KLF8: variants seen among roughly 807,000 people sequenced by gnomAD.
KLF8 encodes Krueppel-like factor 8.
In KLF8, 10 loss-of-function variants were observed where a neutral mutation model predicts 18.2. The ratio of observed to expected loss-of-function variants is 0.55; its 90% CI spans 0.34 to 0.93. The LOEUF (loss-of-function observed/expected upper bound fraction) is 0.93. Among genes scored for constraint, KLF8 ranks in the 40% least tolerant of loss-of-function variants. KLF8 has a pLI of 0.02. For synonymous variants in KLF8, 109 were observed against 97.3 expected (o/e 1.12, Z -0.71); for missense variants, 264 against 277.9 (o/e 0.95, Z 0.36).
the KLF8 span, among the ~76,000 whole-genome samples, chrX:56,049,217 G>A: frequency 9.0e-6 from 1 of 111,460 alleles, no homozygotes; most frequent in Non-Finnish European, 1.9e-5. Context: ...TGCAAAAAGG[G>A]ACAATTTGAC....
the KLF8 span, among the ~76,000 whole-genome samples, chrX:56,028,256 C>G: frequency 7.2e-5 from 8 of 110,880 alleles, no homozygotes; most frequent in African/African-American, 2.7e-4. Context: ...ATTCAAAGGG[C>G]TCTCAGTCGC....
chrX:56,275,136 A>G (rs2067104851), intron 5 of KLF8, among the ~76,000 whole-genome samples: 1 of 111,646 alleles, frequency 9.0e-6, no homozygotes, highest in Non-Finnish European at 1.9e-5. Context: ...ATCCATGAAC[A>G]CGGAATATCT....
chrX:56,005,578 C>T, the KLF8 span, among the ~76,000 whole-genome samples: 3 of 112,359 alleles, frequency 2.7e-5, no homozygotes, highest in African/African-American at 9.7e-5. Context: ...GCATCAGCAT[C>T]AGTGGCTGCA....
the KLF8 span, among the ~76,000 whole-genome samples, chrX:56,173,217 GT>G: frequency 8.9e-6 from 1 of 111,752 alleles, no homozygotes; most frequent in Admixed American, 9.6e-5. Context: ...TTCTTGTAGG[GT>G]TTTTATGGTT....
chrX:56,127,480 G>A, the KLF8 span, among the ~76,000 whole-genome samples: 1 of 110,457 alleles, frequency 9.1e-6, no homozygotes, highest in African/African-American at 3.3e-5. Flanking sequence ...AGGCAACATG[G>A]TGAGACCCTG....
At position 56,270,244 on chromosome X, in the gene KLF8, A is replaced by T; in HGVS notation, c.821A>T (p.His274Leu). 1 of 1,209,694 alleles carries T rather than the reference A, an allele frequency of 8.3e-7. No homozygotes were observed. The highest frequency in any genetic ancestry group is 1.1e-6 in the Non-Finnish European group (1 of 894,507). ...ESLDLKRRRI[H>L]QCDFAGCSKV... ...CTTGACTTGAAGAGAAGACGGATTCACCAATGTGACTTTGCAGGATGCAGC... is the reference window on the plus strand; with the variant it reads ...CTTGACTTGAAGAGAAGACGGATTCTCCAATGTGACTTTGCAGGATGCAGC... The change falls in exon 5 of 6, where the codon CAC becomes CTC. Residue 274 changes from histidine to leucine, a missense_variant. Around this residue, in one of 2 missense-constraint regions of KLF8, gnomAD observed 43 missense variants for 84.3 expected, o/e 0.51. Transcript: ENST00000468660.
At chrX:55,918,175 G>C in the KLF8 span, among the ~76,000 whole-genome samples, 27 of 112,061 alleles carry the variant, frequency 2.4e-4, no homozygotes, top group Non-Finnish European at 4.9e-4. Context: ...CATAGCACTA[G>C]ACTCAGCAGT....
At chrX:55,964,641 T>A in the KLF8 span, among the ~76,000 whole-genome samples, 1 of 110,587 alleles carries the variant, frequency 9.0e-6, no homozygotes, top group Non-Finnish European at 1.9e-5. Context: ...AAAGAATAAA[T>A]AAGATTGATA....
At chrX:56,212,695 C>A in the KLF8 span, among the ~76,000 whole-genome samples, 1 of 112,189 alleles carries the variant, frequency 8.9e-6, no homozygotes, top group African/African-American at 3.2e-5. Context: ...ACTGGCAACT[C>A]AGGGCTGTTT....
chrX:56,160,956 C>G, the KLF8 span, among the ~76,000 whole-genome samples: 1 of 111,007 alleles, frequency 9.0e-6, no homozygotes, highest in Non-Finnish European at 1.9e-5. Context: ...TTATTTTGCT[C>G]GTTAGTTGAT....
At position 56,248,851 on chromosome X, in the gene KLF8, A is replaced by T. The variant is rs539379174; in HGVS notation, c.8-1380A>T. 2.5e-3 allele frequency among the ~76,000 whole-genome samples: 284 copies of T among 111,460 alleles called. 2 individuals are homozygous for T. The highest frequency in any genetic ancestry group is 0.011 in the South Asian group (30 of 2,658). ...GCATCTTTCATGCATAAATTCTCTA[A>T]TTTTCTTTCGTTCTTTTCCACCCTT... On this transcript the variant is annotated intron_variant, in intron 1 of 5. Coordinates refer to ENST00000468660, the MANE Select transcript of KLF8 (RefSeq NM_007250.5).
the KLF8 span, among the ~76,000 whole-genome samples, chrX:56,035,057 A>G: frequency 8.9e-6 from 1 of 111,808 alleles, no homozygotes; most frequent in Non-Finnish European, 1.9e-5. Flanking sequence ...GCCCGGCCGA[A>G]CTTATTTCTT....
chrX:55,992,940 A>G, the KLF8 span, among the ~76,000 whole-genome samples: 1 of 111,748 alleles, frequency 8.9e-6, no homozygotes, highest in East Asian at 2.8e-4. Flanking sequence ...ATTTTTGTAC[A>G]TTCACTTTAT....
At position 56,233,169 on chromosome X, in the gene KLF8, A is replaced by G; in HGVS notation, c.-166A>G. On this transcript the variant is annotated 5_prime_UTR_variant, in exon 1 of 6. It adds an upstream start codon to the 5' untranslated region. Coordinates refer to ENST00000468660, the MANE Select transcript of KLF8 (RefSeq NM_007250.5). ...TCCTCATTTTCCAGCCCGGAGAAATAGGGGAGTGGGGGCCCAAGAACGAGA... is the reference window on the plus strand; with the variant it reads ...TCCTCATTTTCCAGCCCGGAGAAATGGGGGAGTGGGGGCCCAAGAACGAGA... 1.8e-6 allele frequency: 1 copy of G among 559,305 alleles called. No homozygotes were observed. Among genetic ancestry groups the G allele is most frequent in the Non-Finnish European group, 3.0e-6 (1 of 333,098 alleles). 46.1% of individuals were successfully genotyped at this position (559,305 alleles called of 1,213,427 possible).
At chrX:55,958,544 C>A in the KLF8 span, among the ~76,000 whole-genome samples, 1 of 111,658 alleles carries the variant, frequency 9.0e-6, no homozygotes, top group African/African-American at 3.3e-5. Flanking sequence ...AATAAATGGG[C>A]CTTTTCAATT....
At chrX:55,988,203 T>G in the KLF8 span, among the ~76,000 whole-genome samples, 1 of 111,554 alleles carries the variant, frequency 9.0e-6, no homozygotes, top group Non-Finnish European at 1.9e-5. Context: ...CTCTTTAGTT[T>G]AATTAGATCC....
the KLF8 span, among the ~76,000 whole-genome samples, chrX:56,115,628 A>G: frequency 9.0e-6 from 1 of 111,698 alleles, no homozygotes; most frequent in African/African-American, 3.3e-5. Flanking sequence ...GGCAGGCATT[A>G]TGTAGTAAAA....
chrX:55,908,903 T>G, the KLF8 span: 1 of 133,575 alleles, frequency 7.5e-6, no homozygotes, highest in African/African-American at 3.2e-5. Flanking sequence ...GGAAAACCTT[T>G]CAGGGTGGAG....
At chrX:56,012,770 A>G in the KLF8 span, among the ~76,000 whole-genome samples, 2 of 111,565 alleles carry the variant, frequency 1.8e-5, no homozygotes, top group Non-Finnish European at 3.8e-5. Context: ...TATCATGAAA[A>G]TGGCCATACT....
Sources: allele counts gnomAD v4.1 joint callset (sites outside exome capture counted in the v4.1 genomes callset), GRCh38; gene constraint gnomAD v4.1.1; regional missense constraint gnomAD v4.1.1; transcripts MANE v1.5; gene names NCBI Gene and HGNC (gene_info 2026-07-23, HGNC 2026-07-21).